Variants in HHAT observed in about 807,000 individuals in gnomAD.
The protein encoded by HHAT is protein-cysteine N-palmitoyltransferase HHAT.
HHAT carries 47 observed loss-of-function variants against 70.8 expected under a neutral mutation model. The ratio of observed to expected loss-of-function variants is 0.66; its 90% CI spans 0.53 to 0.85. HHAT has a LOEUF of 0.85. HHAT is among the 40% of genes least tolerant of loss of function. The pLI, the probability that HHAT is intolerant of heterozygous loss-of-function variation, is 0.00. For missense variants in HHAT, 609 were observed against 604.8 expected (o/e 1.01, Z -0.07); for synonymous variants, 228 against 247.6 (o/e 0.92, Z 0.74).
intron 6 of HHAT, among the ~76,000 whole-genome samples, chr1:210,407,683 C>T (rs1000841586): frequency 1.3e-5 from 2 of 152,116 alleles, no homozygotes; most frequent in Non-Finnish European, 2.9e-5. Context: ...GTTTTAGGAA[C>T]ATGGGCCTGA....
intron 9 of HHAT, among the ~76,000 whole-genome samples, chr1:210,523,526 A>T (rs2095194103): frequency 2.0e-5 from 3 of 152,142 alleles, no homozygotes; most frequent in Admixed American, 2.0e-4. Context: ...GAGTCCAGGA[A>T]TCAGTATAAT....
intron 8 of HHAT, among the ~76,000 whole-genome samples, chr1:210,511,780 CTTTTTTTTTTTTT>C (rs201825628): frequency 2.3e-5 from 2 of 88,456 alleles, no homozygotes; most frequent in African/African-American, 8.2e-5. Context: ...GCCGCCTGGT[CTTTTTTTTTTTTT>C]TTTTTTTTTT....
chr1:210,338,807 G>A (rs923281319), intron 1 of HHAT, among the ~76,000 whole-genome samples: 2 of 152,182 alleles, frequency 1.3e-5, no homozygotes, highest in Non-Finnish European at 1.5e-5. Context: ...AAGAGGACTG[G>A]TGGCAGAAGA....
chr1:210,653,841 G>A (rs1268888305), intron 11 of HHAT, among the ~76,000 whole-genome samples: 2 of 61,550 alleles, frequency 3.2e-5, no homozygotes, highest in Non-Finnish European at 6.8e-5. Context: ...CTTGTTGAGG[G>A]AGGGTCTTCA....
chr1:210,566,331 G>A (rs1029528058), intron 9 of HHAT, among the ~76,000 whole-genome samples: 1 of 152,028 alleles, frequency 6.6e-6, no homozygotes, highest in Non-Finnish European at 1.5e-5. Context: ...AAACAACTTG[G>A]TCTAGTGATG....
At chr1:210,532,694 T>C (rs908722398) in intron 9 of HHAT, among the ~76,000 whole-genome samples, 2 of 152,192 alleles carry the variant, frequency 1.3e-5, no homozygotes, top group Non-Finnish European at 2.9e-5. Flanking sequence ...TCCTACCATA[T>C]GCAGGATACT....
At chr1:210,452,054 A>C (rs756529228) in intron 7 of HHAT, among the ~76,000 whole-genome samples, 4 of 152,222 alleles carry the variant, frequency 2.6e-5, no homozygotes, top group African/African-American at 4.8e-5. Context: ...GATGAATTTC[A>C]GAAGTGCTGT....
chr1:210,608,595 T>C (rs2148836725), intron 10 of HHAT, among the ~76,000 whole-genome samples: 1 of 152,324 alleles, frequency 6.6e-6, no homozygotes, highest in African/African-American at 2.4e-5. Context: ...AAACTCTGTT[T>C]GGTATTATTA....
intron 11 of HHAT, among the ~76,000 whole-genome samples, chr1:210,655,939 T>C (rs539232051): frequency 6.7e-6 from 1 of 149,726 alleles, no homozygotes. Flanking sequence ...GGGACCTTTG[T>C]AGGGATCATC....
intron 9 of HHAT, among the ~76,000 whole-genome samples, chr1:210,560,264 A>C (rs900634805): frequency 1.3e-5 from 2 of 152,224 alleles, no homozygotes; most frequent in African/African-American, 4.8e-5. Flanking sequence ...AAAAACAAGG[A>C]AAAGAACACG....
At chr1:210,345,085 G>A (rs610446) in intron 1 of HHAT, among the ~76,000 whole-genome samples, 64,000 of 151,696 alleles carry the variant, frequency 0.42, 13,860 homozygotes, top group African/African-American at 0.48. Flanking sequence ...CTTTCTTTCT[G>A]CCATACCTCT....
At chr1:210,485,855 G>C (rs2094465923) in intron 8 of HHAT, among the ~76,000 whole-genome samples, 1 of 152,130 alleles carries the variant, frequency 6.6e-6, no homozygotes, top group Non-Finnish European at 1.5e-5. Context: ...GGAGTACTGA[G>C]ATTTGGGTGG....
intron 11 of HHAT, among the ~76,000 whole-genome samples, chr1:210,645,260 A>G (rs1227947075): frequency 6.6e-6 from 1 of 152,068 alleles, no homozygotes; most frequent in Non-Finnish European, 1.5e-5. Context: ...TGTACTTTTT[A>G]TGAAATCCAC....
rs371539891 is a variant in HHAT, at chr1:210,464,663, G to A, written c.1007+8G>A. ...TTTCACCGGGATGTGGAGGTCAGGC[G>A]CTGGGATTGCTAAAGTTGGTCAGGC... On this transcript the variant is annotated splice_region_variant and intron_variant, in intron 8 of 11. Coordinates refer to ENST00000261458, the MANE Select transcript of HHAT (RefSeq NM_018194.6). 9.0e-5 allele frequency: 146 copies of A among 1,613,980 alleles called. No individual in the cohort carries two copies. The highest frequency in any genetic ancestry group is 1.9e-4 in the South Asian group (17 of 91,070).
intron 9 of HHAT, among the ~76,000 whole-genome samples, chr1:210,584,639 T>C (rs927681058): frequency 4.6e-5 from 7 of 152,152 alleles, no homozygotes; most frequent in Non-Finnish European, 1.0e-4. Context: ...TGTCCTTGGC[T>C]CAGTGCCCAA....
At chr1:210,502,312 A>T (rs1164271805) in intron 8 of HHAT, among the ~76,000 whole-genome samples, 2 of 143,802 alleles carry the variant, frequency 1.4e-5, no homozygotes, top group African/African-American at 5.1e-5. Context: ...TGAACCCGGG[A>T]GGCAGAGCTT....
chr1:210,674,167 T>A (rs1301923708), intron 11 of HHAT, 121 bp from the exon 12 acceptor site: 4 of 757,412 alleles, frequency 5.3e-6, no homozygotes, highest in Non-Finnish European at 9.2e-6. Context: ...TACAGCAGAC[T>A]TTCCTGGAGG....
chr1:210,348,576 G>C (rs2086722313), intron 1 of HHAT, among the ~76,000 whole-genome samples: 1 of 152,256 alleles, frequency 6.6e-6, no homozygotes, highest in Non-Finnish European at 1.5e-5. Context: ...CAGAGATCAT[G>C]GTCCCTGCTA....
At chr1:210,492,563 G>C (rs2094569129) in intron 8 of HHAT, among the ~76,000 whole-genome samples, 1 of 152,092 alleles carries the variant, frequency 6.6e-6, no homozygotes, top group East Asian at 1.9e-4. Flanking sequence ...TTAAGAAATA[G>C]GTCAAATATT....
Sources: gnomAD v4.1 joint callset for allele counts (sites outside exome capture counted in the v4.1 genomes callset) on GRCh38, gnomAD v4.1.1 for gene constraint, MANE v1.5 for transcripts, NCBI Gene and HGNC (gene_info 2026-07-23, HGNC 2026-07-21) for gene names.